TRDN: variants seen among roughly 807,000 people sequenced by gnomAD.
TRDN encodes triadin.
TRDN carries 161 observed loss-of-function variants against 149.7 expected under a neutral mutation model. That is an observed-to-expected ratio of 1.08 (90% CI 0.95 to 1.23). The LOEUF is 1.23. TRDN is among the 50% of genes most tolerant of loss of function. The probability of loss-of-function intolerance (pLI) is 0.00; values close to 1 mark genes in which losing one functional copy is unlikely to be tolerated. For synonymous variants in TRDN, 294 were observed against 250.5 expected (o/e 1.17, Z -1.64); for missense variants, 896 against 823.5 (o/e 1.09, Z -1.08).
chr6:123,438,249 C>A, intron 11 of TRDN, 127 bp from the exon 12 acceptor site: 1 of 676,544 alleles, frequency 1.5e-6, no homozygotes, highest in Non-Finnish European at 2.5e-6. Context: ...AGCCATAAGT[C>A]ATGTCAAATA....
At chr6:123,348,722 G>A (rs765605251) in intron 21 of TRDN, among the ~76,000 whole-genome samples, 4 of 152,100 alleles carry the variant, frequency 2.6e-5, no homozygotes, top group Admixed American at 1.3e-4. Context: ...AATAGCAGGA[G>A]TGAAGGTAAA....
At chr6:123,355,023 G>T (rs1048351385) in intron 20 of TRDN, among the ~76,000 whole-genome samples, 11 of 151,586 alleles carry the variant, frequency 7.3e-5, no homozygotes, top group African/African-American at 2.2e-4. Flanking sequence ...AGTCTTTCCT[G>T]ATACCTAATA....
At chr6:123,497,083 T>A in intron 9 of TRDN, 110 bp downstream of exon 9, 1 of 752,242 alleles carries the variant, frequency 1.3e-6, no homozygotes. Flanking sequence ...GATCTACACA[T>A]GCATTATGCA....
chr6:123,428,602 T>C (rs1156820567), intron 12 of TRDN, among the ~76,000 whole-genome samples: 1 of 152,212 alleles, frequency 6.6e-6, no homozygotes, highest in East Asian at 1.9e-4. Context: ...GTATCTTCAG[T>C]GATACACCAC....
At chr6:123,517,440 C>T (rs1046376117) in intron 5 of TRDN, among the ~76,000 whole-genome samples, 1 of 152,142 alleles carries the variant, frequency 6.6e-6, no homozygotes, top group Admixed American at 6.6e-5. Context: ...CATGAAAATT[C>T]GATATCATTG....
chr6:123,628,869 T>A (rs1402997698), intron 1 of TRDN, among the ~76,000 whole-genome samples: 1 of 152,142 alleles, frequency 6.6e-6, no homozygotes, highest in African/African-American at 2.4e-5. Context: ...TACTGCTTCA[T>A]AAATCTACAT....
chr6:123,470,680 G>A (rs561992071), intron 9 of TRDN: 1 of 152,302 alleles, frequency 6.6e-6, no homozygotes, highest in African/African-American at 2.4e-5. Flanking sequence ...ATGTGACTTT[G>A]GATTTGTCCT....
intron 26 of TRDN, among the ~76,000 whole-genome samples, chr6:123,276,923 T>G (rs1562242009): frequency 1.3e-5 from 2 of 152,106 alleles, no homozygotes; most frequent in African/African-American, 4.8e-5. Context: ...GTCAGCACAC[T>G]GAGCTAAGAG....
chr6:123,502,226 C>T, intron 8 of TRDN: 1 of 979,074 alleles, frequency 1.0e-6, no homozygotes. Flanking sequence ...TTTTTTACCA[C>T]AGTAAAATAT....
At chr6:123,349,692 C>T (rs1211884139) in intron 21 of TRDN, 10 of 972,478 alleles carry the variant, frequency 1.0e-5, no homozygotes, top group Non-Finnish European at 1.2e-5. Context: ...TCATTATATT[C>T]AAATGGATAA....
chr6:123,372,130 G>C (rs535909243), intron 19 of TRDN, among the ~76,000 whole-genome samples: 1 of 151,976 alleles, frequency 6.6e-6, no homozygotes, highest in African/African-American at 2.4e-5. Flanking sequence ...GATCTTCCCG[G>C]AGACTTCTGC....
chr6:123,626,991 C>T (rs55885536), intron 1 of TRDN, among the ~76,000 whole-genome samples: 44,684 of 151,314 alleles, frequency 0.3, 6,965 homozygotes, highest in East Asian at 0.6. Flanking sequence ...TGCAGTGGCA[C>T]GATCTCGGCT....
chr6:123,557,602 A>G (rs1402843193), intron 2 of TRDN, among the ~76,000 whole-genome samples: 1 of 152,090 alleles, frequency 6.6e-6, no homozygotes, highest in East Asian at 1.9e-4. Context: ...CGGACTCGGG[A>G]AAACAGTCTT....
intron 24 of TRDN, among the ~76,000 whole-genome samples, chr6:123,288,627 G>C (rs1053725343): frequency 7.9e-5 from 12 of 151,800 alleles, no homozygotes; most frequent in African/African-American, 2.9e-4. Context: ...TATGTGAAAA[G>C]ATGTTTGACA....
chr6:123,341,325 T>C (rs1413733625), intron 21 of TRDN, among the ~76,000 whole-genome samples: 1 of 151,932 alleles, frequency 6.6e-6, no homozygotes, highest in Non-Finnish European at 1.5e-5. Flanking sequence ...TAATGATACA[T>C]TTAACTGTTT....
At chr6:123,460,163 A>G (rs1776366813) in intron 10 of TRDN, among the ~76,000 whole-genome samples, 1 of 152,220 alleles carries the variant, frequency 6.6e-6, no homozygotes, top group Admixed American at 6.5e-5. Flanking sequence ...CTATCAGGAC[A>G]TGTAAAAGCT....
At chr6:123,365,267 C>T (rs1781048591) in intron 20 of TRDN, among the ~76,000 whole-genome samples, 1 of 151,710 alleles carries the variant, frequency 6.6e-6, no homozygotes, top group Non-Finnish European at 1.5e-5. Context: ...TGTTGCTTTC[C>T]CTTAGAGATA....
rs115262806 is a variant in TRDN, at chr6:123,352,716, C to G, written c.1322-130G>C. 9.8e-4 allele frequency: 1,209 copies of G among 1,231,276 alleles called. 11 individuals are homozygous for G. In the African/African-American group the frequency reaches 0.016, roughly 16 times the overall value. 76.3% of individuals were successfully genotyped at this position (1,231,276 alleles called of 1,614,324 possible). On this transcript the variant is annotated intron_variant, in intron 20 of 40. Transcript: ENST00000334268. ...ACAAGTTATTTTGAAGCTTCTTAAACATTTCTCATTTCTCTATAACGCAAT... is the reference window on the plus strand; with the variant it reads ...ACAAGTTATTTTGAAGCTTCTTAAAGATTTCTCATTTCTCTATAACGCAAT...
intron 14 of TRDN, among the ~76,000 whole-genome samples, chr6:123,383,219 T>C (rs1016973479): frequency 7.2e-5 from 11 of 152,046 alleles, no homozygotes; most frequent in African/African-American, 2.7e-4. Context: ...GGACTCATTG[T>C]CTCTTCACAA....
Sources: gnomAD v4.1 joint callset for allele counts (sites outside exome capture counted in the v4.1 genomes callset) on GRCh38, gnomAD v4.1.1 for gene constraint, MANE v1.5 for transcripts, NCBI Gene and HGNC (gene_info 2026-07-23, HGNC 2026-07-21) for gene names.